The following HSPA8 variants were observed in gnomAD, a reference collection of about 807,000 sequenced individuals.
The protein encoded by HSPA8 is heat shock protein family A (Hsp70) member 8, also known as heat shock cognate 71 kDa protein.
HSPA8 carries 2 observed loss-of-function variants against 52.8 expected under a neutral mutation model. The observed-to-expected ratio is 0.04, with a 90% confidence interval of 0.02 to 0.12. HSPA8 has a LOEUF of 0.12. Ranked by LOEUF, HSPA8 falls within the 10% of genes least tolerant of loss-of-function variation. HSPA8 has a pLI of 1.00. For synonymous variants in HSPA8, 436 were observed against 274.0 expected, an observed-to-expected ratio of 1.59 and a Z score of -5.84; for missense variants, 349 against 800.5, an observed-to-expected ratio of 0.44 and a Z score of 6.81.
At position 123,059,464 on chromosome 11, in the gene HSPA8, C is replaced by A; in HGVS notation, c.1120+9G>T. ...CTGCCTTTAGGGTTAATTGAGATAC[C>A]ATTGTTACCTGCACCATAAGCAACA... On this transcript the variant is annotated intron_variant, in intron 5 of 8. Coordinates refer to ENST00000534624, the MANE Select transcript of HSPA8 (RefSeq NM_006597.6). 1.2e-6 allele frequency: 2 copies of A among 1,607,336 alleles called. No individual in the cohort carries two copies. Among genetic ancestry groups the A allele is most frequent in the Non-Finnish European group, 1.7e-6 (2 of 1,175,952 alleles).
At chr11:123,058,941 C>T in intron 6 of HSPA8, 111 bp from the exon 7 acceptor site, 1 of 1,393,564 alleles carries the variant, frequency 7.2e-7, no homozygotes, top group Non-Finnish European at 1.0e-6. Flanking sequence ...AACTGGCCAA[C>T]ATAAGACTTT....
intron 3 of HSPA8, 94 bp from the exon 4 acceptor site, chr11:123,060,362 G>A: frequency 8.1e-7 from 1 of 1,241,282 alleles, no homozygotes; most frequent in Non-Finnish European, 1.1e-6. Context: ...AAGAACAGCT[G>A]GAGCACCCCC....
In HSPA8 at chr11:123,058,521, T is replaced by C. The variant is rs1208076760; in HGVS notation, c.1523-37A>G. On this transcript the variant is annotated intron_variant, in intron 7 of 8. Coordinates refer to ENST00000534624, the MANE Select transcript of HSPA8 (RefSeq NM_006597.6). ...ATTAACTCTAAGTAAAAGCCTTAAA[T>C]TACCTGTGTATGTGTAACTCTAGTT... 3.1e-6 allele frequency: 5 copies of C among 1,598,750 alleles called. 1 individual carries two copies. Among genetic ancestry groups the C allele is most frequent in the Non-Finnish European group, 4.3e-6 (5 of 1,166,386 alleles).
intron 5 of HSPA8, 50 bp downstream of exon 5, chr11:123,059,423 G>GTCGAA (rs1565367969): frequency 6.6e-7 from 1 of 1,508,892 alleles, no homozygotes; most frequent in East Asian, 2.3e-5. Flanking sequence ...ATCACAGCGA[G>GTCGAA]TCACCTTGGG....
At position 123,060,280 on chromosome 11, in the gene HSPA8, GA is replaced by G. The variant is rs762230951; in HGVS notation, c.412-13del. On this transcript the variant is annotated splice_polypyrimidine_tract_variant and intron_variant, in intron 3 of 8. Transcript: ENST00000534624. ...GCATTGGTAACAGTCTAGGAATAAG[GA>G]AAAGACCACAGATTGGTAACTATTA... 1.6e-5 allele frequency: 26 copies of G among 1,611,630 alleles called. No individual in the cohort carries two copies. In the African/African-American group the frequency reaches 2.9e-4, roughly 18 times the overall value.
intron 6 of HSPA8, 50 bp downstream of exon 6, chr11:123,059,009 T>TC (rs1316169798): frequency 6.5e-7 from 1 of 1,530,914 alleles, no homozygotes; most frequent in African/African-American, 1.4e-5. Context: ...AGTCAAGACT[T>TC]CCCTTTATCT....
At chr11:123,057,999 A>C in intron 8 of HSPA8, 80 bp from the exon 9 acceptor site, 1 of 1,186,900 alleles carries the variant, frequency 8.4e-7, no homozygotes, top group Non-Finnish European at 1.2e-6. Flanking sequence ...ATCTGATACT[A>C]AAAGTCTGGC....
In HSPA8 at chr11:123,058,757, G is replaced by A. The variant is rs773253340; in HGVS notation, c.1397C>T (p.Pro466Leu). ...AATCTGAGGAACACCTCGGGGTGCA[G>A]GAGGTATGCCTGTGAGTTCAAACTT... ...LGKFELTGIP[P>L]APRGVPQIEV... The change falls in exon 7 of 9, where the codon CCT (proline) becomes CTT (leucine). Residue 466 changes from proline (P) to leucine (L), a missense_variant. By Grantham distance (98) the Pro-to-Leu change is moderately conservative. Transcript: ENST00000534624. The A allele has an allele frequency of 1.9e-6, 3 of 1,613,938 alleles. No individual in the cohort carries two copies. The highest frequency in any genetic ancestry group is 2.5e-6 in the Non-Finnish European group (3 of 1,179,812).
chr11:123,060,313 CATATATG>C (rs1182706020), intron 3 of HSPA8, 45 bp from the exon 4 acceptor site: 4 of 1,567,108 alleles, frequency 2.6e-6, no homozygotes, highest in Non-Finnish European at 2.6e-6. Flanking sequence ...ATTATACTTA[CATATATG>C]CAAACTCCAG....
chr11:123,058,531 A>G (rs1171309772), intron 7 of HSPA8, 47 bp from the exon 8 acceptor site: 2 of 1,586,608 alleles, frequency 1.3e-6, no homozygotes, highest in African/African-American at 2.7e-5. Context: ...TTACCTGTGT[A>G]TGTGTAACTC....
intron 1 of HSPA8, chr11:123,061,534 T>C: frequency 1.7e-6 from 1 of 594,492 alleles, no homozygotes; most frequent in Admixed American, 3.0e-5. Flanking sequence ...ACGCCCTAGA[T>C]GAAGGACCCA....
In HSPA8 at chr11:123,057,694, T is replaced by C. The variant is rs1865345975; in HGVS notation, c.*40A>G. The C allele has an allele frequency of 6.6e-7, 1 of 1,519,662 alleles. No individual in the cohort carries two copies. The highest frequency in any genetic ancestry group is 2.3e-5 in the East Asian group (1 of 43,554). 94.1% of individuals were successfully genotyped at this position (1,519,662 alleles called of 1,614,324 possible). On this transcript the variant is annotated 3_prime_UTR_variant, in exon 9 of 9. Transcript: ENST00000534624. ...TACGAATTTAGGTCCTTCAAATGTT[T>C]TAAATGTGTGGAACAATGCTACATC...
At position 123,057,705 on chromosome 11, in the gene HSPA8, G is replaced by A. The variant is rs773134309; in HGVS notation, c.*29C>T. 1.9e-6 allele frequency: 3 copies of A among 1,561,792 alleles called. No homozygotes were observed. Among genetic ancestry groups the A allele is most frequent in the South Asian group, 1.2e-5 (1 of 84,602 alleles). On this transcript the variant is annotated 3_prime_UTR_variant, in exon 9 of 9. Coordinates refer to ENST00000534624, the MANE Select transcript of HSPA8 (RefSeq NM_006597.6). The stretch of plus-strand genomic sequence containing the variant: ...GTCCTTCAAATGTTTTAAATGTGTG[G>A]AACAATGCTACATCTACACTTGGTT...
Position 123,060,596 on chromosome 11 carries a change from C to T in HSPA8, c.408G>A (p.Gly136=), listed in dbSNP as rs1865468569. Residue 136 remains glycine (G), a synonymous_variant, in exon 3 of 9, where the codon GGG becomes GGA. Transcript: ENST00000534624. ...CATACTGAAAAACCAACCTCACCTT[C>T]CCAAGGTAGGCTTCTGCAATTTCCT... ...KMKEIAEAYL[G]KTVTNAVVTV... 2 of 1,612,818 alleles carry T rather than the reference C, an allele frequency of 1.2e-6. No individual in the cohort carries two copies. The highest frequency in any genetic ancestry group is 4.5e-5 in the East Asian group (2 of 44,856).
chr11:123,058,490 A>T lies in HSPA8; in HGVS notation c.1523-6T>A, dbSNP rs922191982. 3.1e-6 allele frequency: 5 copies of T among 1,612,836 alleles called. No homozygotes were observed. Among genetic ancestry groups the T allele is most frequent in the Non-Finnish European group, 4.2e-6 (5 of 1,178,908 alleles). On this transcript the variant is annotated splice_region_variant and splice_polypyrimidine_tract_variant and intron_variant, in intron 7 of 8. Transcript: ENST00000534624. The stretch of plus-strand genomic sequence containing the variant: ...GTCTTCCTTGCTCAAACGGCCTAGG[A>T]AAGAAATTAACTCTAAGTAAAAGCC...
At position 123,057,609 on chromosome 11, in the gene HSPA8, T is replaced by A; in HGVS notation, c.*125A>T. The A allele has an allele frequency of 1.5e-6, 1 of 654,942 alleles. No homozygotes were observed. Among genetic ancestry groups the A allele is most frequent in the Non-Finnish European group, 2.6e-6 (1 of 383,668 alleles). 40.6% of individuals were successfully genotyped at this position (654,942 alleles called of 1,614,324 possible). A position where few individuals can be genotyped will look rare whatever the true frequency, so the allele number is the denominator to read the frequency against. On this transcript the variant is annotated 3_prime_UTR_variant, in exon 9 of 9. Transcript: ENST00000534624. ...GTGCATATGTTCCATATTCAAGTAT[T>A]GAGAATGCCCAGTAACTTACTATAG...
intron 5 of HSPA8, 49 bp from the exon 6 acceptor site, chr11:123,059,310 A>G (rs1383059501): frequency 1.3e-6 from 2 of 1,509,576 alleles, no homozygotes; most frequent in African/African-American, 1.4e-5. Context: ...AAAACCCAGT[A>G]CATAGCTCCT....
Position 123,061,180 on chromosome 11 carries a change from G to T in HSPA8, c.145C>A (p.Arg49=), listed in dbSNP as rs763047269. The T allele has an allele frequency of 1.9e-6, 3 of 1,613,720 alleles. No individual in the cohort carries two copies. Among genetic ancestry groups the T allele is most frequent in the South Asian group, 1.1e-5 (1 of 91,040 alleles). ...PSYVAFTDTE[R]LIGDAAKNQV... is the part of the protein sequence containing the mutation. The stretch of plus-strand genomic sequence containing the variant: ...TTCTTTGCGGCATCACCGATCAACC[G>T]TTCAGTGTCCGTAAAGGCGACATAG... Residue 49 remains arginine, a synonymous_variant, in exon 2 of 9, where the codon CGG becomes AGG. Coordinates refer to ENST00000534624, the MANE Select transcript of HSPA8 (RefSeq NM_006597.6).
chr11:123,059,082 T>C lies in HSPA8; in HGVS notation c.1300A>G (p.Asn434Asp). The change falls in exon 6 of 9, where the codon AAC (asparagine) becomes GAC (aspartate). Residue 434 changes from asparagine (N) to aspartate (D), a missense_variant. Physicochemically the swap from Asn to Asp is conservative, Grantham distance 23. Transcript: ENST00000534624. ...QTQTFTTYSD[N>D]QPGVLIQVYE... is the part of the protein sequence containing the mutation. ...ACCTGAATAAGCACACCAGGCTGGT[T>C]GTCAGAATAGGTAGTGAAGGTCTGT... is the stretch of plus-strand genomic sequence containing the variant. The C allele has an allele frequency of 6.2e-7, 1 of 1,612,802 alleles. No individual in the cohort carries two copies. The highest frequency in any genetic ancestry group is 8.5e-7 in the Non-Finnish European group (1 of 1,179,968).
Sources: gnomAD v4.1 joint callset for allele counts on GRCh38, gnomAD v4.1.1 for gene constraint, MANE v1.5 for transcripts, NCBI Gene and HGNC (gene_info 2026-07-23, HGNC 2026-07-21) for gene names.